RUNX1: variants seen among roughly 807,000 people sequenced by gnomAD.
RUNX1 encodes the protein runt-related transcription factor 1.
In RUNX1, 19 loss-of-function variants were observed where a neutral mutation model predicts 42.8. That is an observed-to-expected ratio of 0.44 (90% CI 0.31 to 0.65). The LOEUF (loss-of-function observed/expected upper bound fraction) is 0.65, where lower values mean the gene tolerates loss of function less well. Ranked by LOEUF, RUNX1 falls within the 30% of genes least tolerant of loss-of-function variation. The pLI is 0.07. For synonymous variants in RUNX1, 271 were observed against 289.4 expected, an observed-to-expected ratio of 0.94 and a Z score of 0.64; for missense variants, 528 against 672.0, an observed-to-expected ratio of 0.79 and a Z score of 2.37.
chr21:35,047,640 C>T (rs1194572826), intron 2 of RUNX1, among the ~76,000 whole-genome samples: 3 of 151,284 alleles, frequency 2.0e-5, no homozygotes, highest in African/African-American at 4.9e-5. Context: ...CATACAGCCC[C>T]GTGCATTCAC....
intron 2 of RUNX1, among the ~76,000 whole-genome samples, chr21:34,995,418 CT>C (rs1257195127): frequency 5.7e-5 from 8 of 140,818 alleles, no homozygotes; most frequent in Admixed American, 1.4e-4. Context: ...GAAATAAAGG[CT>C]GTTACTTTCT....
In RUNX1 at chr21:34,912,866, C is replaced by T. The variant is rs544321072; in HGVS notation, c.59-19903G>A. 1.1e-4 allele frequency among the ~76,000 whole-genome samples: 16 copies of T among 152,336 alleles called. No individual in the cohort carries two copies. The South Asian group carries it at 3.3e-3, about 32-fold the overall frequency. On this transcript the variant is annotated intron_variant, in intron 2 of 8. Coordinates refer to ENST00000675419, the MANE Select transcript of RUNX1 (RefSeq NM_001754.5). ...GCAAACTAGGGTGTGGGGAGAAGCC[C>T]CTGGCCTTTCACTTGGGGTGGGGCT...
chr21:34,792,739 A>G lies in RUNX1; in HGVS notation c.968-129T>C. 1 of 911,056 alleles carries G rather than the reference A, an allele frequency of 1.1e-6. No homozygotes were observed. The highest frequency in any genetic ancestry group is 1.7e-5 in the South Asian group (1 of 57,980). 56.4% of individuals were successfully genotyped at this position (911,056 alleles called of 1,614,324 possible). On this transcript the variant is annotated intron_variant, in intron 8 of 8. Coordinates refer to ENST00000675419, the MANE Select transcript of RUNX1 (RefSeq NM_001754.5). This position sits in a 1 kb window ranked among gnomAD's most constrained non-coding sequence, Gnocchi z 6.9. ...AGGATGGGAAGCCACCCAGGATGCT[A>G]CTGCTGGGGAGGACGGGGACCACCC...
chr21:34,910,814 C>T (rs1217164781), intron 2 of RUNX1, among the ~76,000 whole-genome samples: 2 of 151,880 alleles, frequency 1.3e-5, no homozygotes, highest in Non-Finnish European at 2.9e-5. Flanking sequence ...CAAGGTCTCA[C>T]TCTGTTGCCC....
chr21:34,833,931 T>G (rs1167722330), intron 7 of RUNX1: 1 of 315,364 alleles, frequency 3.2e-6, no homozygotes, highest in Non-Finnish European at 6.3e-6. Context: ...CAACTATTTC[T>G]TAATAATAAA....
intron 2 of RUNX1, among the ~76,000 whole-genome samples, chr21:34,909,102 C>T (rs545366698): frequency 2.9e-4 from 44 of 152,276 alleles, no homozygotes; most frequent in African/African-American, 8.7e-4. Context: ...TAGGATTGTA[C>T]TAAAGGCCGC....
At chr21:34,836,993 GT>G (rs1447053132) in intron 6 of RUNX1, among the ~76,000 whole-genome samples, 1 of 152,100 alleles carries the variant, frequency 6.6e-6, no homozygotes, top group African/African-American at 2.4e-5. Flanking sequence ...TTTTTTGTTT[GT>G]TTGTTTCTTT....
chr21:34,841,108 G>T (rs116109464), intron 6 of RUNX1, among the ~76,000 whole-genome samples: 4,123 of 152,246 alleles, frequency 0.027, 66 homozygotes, highest in African/African-American at 0.04. Flanking sequence ...AAAACAATGA[G>T]ACATCTGCCC....
At chr21:34,859,628 C>T (rs1299003372) in intron 5 of RUNX1, 50 bp from the exon 6 acceptor site, 3 of 1,377,684 alleles carry the variant, frequency 2.2e-6, no homozygotes, top group East Asian at 2.3e-5. Flanking sequence ...GTGGCCTGAA[C>T]ATATCTGTTG....
At chr21:34,958,292 G>A (rs2058659259) in intron 2 of RUNX1, among the ~76,000 whole-genome samples, 1 of 152,086 alleles carries the variant, frequency 6.6e-6, no homozygotes, top group Non-Finnish European at 1.5e-5. Flanking sequence ...AATGAAACCA[G>A]CCCAGCTAGG....
At chr21:34,925,229 G>T (rs1022057017) in intron 2 of RUNX1, among the ~76,000 whole-genome samples, 5 of 152,048 alleles carry the variant, frequency 3.3e-5, no homozygotes, top group Admixed American at 6.6e-5. Context: ...AATTATACAG[G>T]TCTTTCATTA....
intron 2 of RUNX1, among the ~76,000 whole-genome samples, chr21:35,007,724 C>T (rs1399571833): frequency 6.6e-6 from 1 of 152,186 alleles, no homozygotes; most frequent in African/African-American, 2.4e-5. Context: ...TCCACTCTCA[C>T]TGCCACCACC....
intron 2 of RUNX1, among the ~76,000 whole-genome samples, chr21:34,990,322 A>C (rs908732572): frequency 3.3e-5 from 5 of 152,230 alleles, no homozygotes; most frequent in African/African-American, 1.2e-4. Flanking sequence ...AAACCACGGA[A>C]GACTTGCAGA....
At chr21:34,909,014 A>T (rs1041945869) in intron 2 of RUNX1, among the ~76,000 whole-genome samples, 1 of 152,168 alleles carries the variant, frequency 6.6e-6, no homozygotes, top group African/African-American at 2.4e-5. Flanking sequence ...AAGATAATGC[A>T]ATAGATTATC....
At chr21:34,971,522 C>T (rs1345703472) in intron 2 of RUNX1, among the ~76,000 whole-genome samples, 1 of 151,998 alleles carries the variant, frequency 6.6e-6, no homozygotes, top group African/African-American at 2.4e-5. Context: ...TCCATCCATC[C>T]ATCCATCCAT....
intron 2 of RUNX1, among the ~76,000 whole-genome samples, chr21:34,985,190 T>TATTGATATTAG (rs980679987): frequency 2.6e-5 from 4 of 152,210 alleles, no homozygotes; most frequent in African/African-American, 9.6e-5. Flanking sequence ...AGTAATTTAA[T>TATTGATATTAG]ATTGATATTA....
intron 2 of RUNX1, among the ~76,000 whole-genome samples, chr21:35,015,679 A>G (rs1375380765): frequency 6.6e-6 from 1 of 152,250 alleles, no homozygotes; most frequent in Non-Finnish European, 1.5e-5. Flanking sequence ...AGGAGGAAGC[A>G]AAGGAGCATC....
At chr21:34,851,014 C>T (rs2057410440) in intron 6 of RUNX1, among the ~76,000 whole-genome samples, 1 of 152,164 alleles carries the variant, frequency 6.6e-6, no homozygotes, top group Admixed American at 6.5e-5. Flanking sequence ...GGTGGTACTA[C>T]CAACTGTCCC....
At chr21:34,851,926 G>C (rs1601454491) in intron 6 of RUNX1, among the ~76,000 whole-genome samples, 1 of 152,254 alleles carries the variant, frequency 6.6e-6, no homozygotes, top group East Asian at 1.9e-4. Flanking sequence ...CAGCACTTTG[G>C]GAGGCCAAGG....
Sources: allele counts gnomAD v4.1 joint callset (sites outside exome capture counted in the v4.1 genomes callset), GRCh38; gene constraint gnomAD v4.1.1; non-coding constraint Gnocchi (gnomAD v3.1); transcripts MANE v1.5; gene names NCBI Gene and HGNC (gene_info 2026-07-23, HGNC 2026-07-21).